Variants in SPRR2G observed in about 807,000 individuals in gnomAD.
SPRR2G encodes the protein small proline rich protein 2G.
SPRR2G carries 1 observed loss-of-function variant against 0.7 expected under a neutral mutation model. The ratio of observed to expected loss-of-function variants is 1.49; its 90% CI spans 0.53 to 7.06. SPRR2G has a LOEUF of 7.06. Among genes scored for constraint, SPRR2G ranks in the 30% most tolerant of loss-of-function variants. The pLI, the probability that SPRR2G is intolerant of heterozygous loss-of-function variation, is 0.14. For missense variants in SPRR2G, 96 were observed against 88.5 expected (o/e 1.09, Z -0.34); for synonymous variants, 38 against 33.9 (o/e 1.12, Z -0.42).
chr1:153,181,380 G>A, the SPRR2G span, among the ~76,000 whole-genome samples: 1,643 of 152,098 alleles, frequency 0.011, 27 homozygotes, highest in African/African-American at 0.038. Flanking sequence ...ATCCATCACC[G>A]TGAGCATTTA....
upstream of SPRR2G, among the ~76,000 whole-genome samples, chr1:153,154,611 T>C (rs369535333): frequency 4.6e-5 from 7 of 152,256 alleles, no homozygotes; most frequent in African/African-American, 1.7e-4. Context: ...ATTTATCAAT[T>C]TCTTCTAGGT....
chr1:153,157,460 A>G, the SPRR2G span, among the ~76,000 whole-genome samples: 2 of 152,190 alleles, frequency 1.3e-5, no homozygotes, highest in Admixed American at 6.5e-5. Flanking sequence ...GGGAGATTAT[A>G]ATACTCTTTT....
At chr1:153,196,876 C>T in the SPRR2G span, among the ~76,000 whole-genome samples, 1 of 152,172 alleles carries the variant, frequency 6.6e-6, no homozygotes, top group Admixed American at 6.5e-5. Flanking sequence ...CAGTTTATTG[C>T]CCTTGCTTGT....
chr1:153,202,305 C>T, the SPRR2G span, among the ~76,000 whole-genome samples: 1 of 152,202 alleles, frequency 6.6e-6, no homozygotes, highest in Admixed American at 6.5e-5. Flanking sequence ...CCAGCCCTCC[C>T]TTTTCCTTCC....
At chr1:153,170,650 T>C in the SPRR2G span, among the ~76,000 whole-genome samples, 1 of 152,042 alleles carries the variant, frequency 6.6e-6, no homozygotes, top group Non-Finnish European at 1.5e-5. Context: ...ATAAGAGAGG[T>C]ATTCCATGGC....
chr1:153,161,778 A>T, the SPRR2G span, among the ~76,000 whole-genome samples: 168 of 152,324 alleles, frequency 1.1e-3, no homozygotes, highest in African/African-American at 3.6e-3. Flanking sequence ...GATGGACAGA[A>T]ATTACAAAGA....
At chr1:153,190,552 G>A in the SPRR2G span, 26 of 152,152 alleles carry the variant, frequency 1.7e-4, no homozygotes, top group Non-Finnish European at 3.1e-4. Flanking sequence ...TATTTCCACC[G>A]GCTACCTTCT....
chr1:153,161,817 G>C, the SPRR2G span, among the ~76,000 whole-genome samples: 1 of 152,068 alleles, frequency 6.6e-6, no homozygotes, highest in South Asian at 2.1e-4. Flanking sequence ...TATAACCTCA[G>C]GTAATATGCA....
At chr1:153,189,091 C>T in the SPRR2G span, among the ~76,000 whole-genome samples, 1 of 152,186 alleles carries the variant, frequency 6.6e-6, no homozygotes, top group Admixed American at 6.5e-5. Context: ...AGAGCTGTTC[C>T]TATTCAGTCA....
chr1:153,152,150 A>T (rs914430199), upstream of SPRR2G, among the ~76,000 whole-genome samples: 4 of 152,228 alleles, frequency 2.6e-5, no homozygotes, highest in Non-Finnish European at 4.4e-5. Context: ...AGAAATATAA[A>T]CTCTAAAATG....
chr1:153,177,360 T>C, the SPRR2G span, among the ~76,000 whole-genome samples: 3 of 152,200 alleles, frequency 2.0e-5, no homozygotes, highest in Non-Finnish European at 4.4e-5. Flanking sequence ...TAAATGAATA[T>C]TTAGGGGCAG....
At chr1:153,186,406 G>C in the SPRR2G span, among the ~76,000 whole-genome samples, 2 of 152,092 alleles carry the variant, frequency 1.3e-5, no homozygotes, top group African/African-American at 2.4e-5. Context: ...TCCTGTATTG[G>C]GTGCATATAT....
chr1:153,161,158 A>G, the SPRR2G span, among the ~76,000 whole-genome samples: 1 of 152,004 alleles, frequency 6.6e-6, no homozygotes, highest in Non-Finnish European at 1.5e-5. Context: ...TGGGTGCCGC[A>G]CACCAACATG....
At chr1:153,166,511 C>CA in the SPRR2G span, among the ~76,000 whole-genome samples, 2 of 151,988 alleles carry the variant, frequency 1.3e-5, no homozygotes, top group African/African-American at 4.8e-5. Context: ...TCAGCAGCAA[C>CA]AAAAAAATTA....
At chr1:153,159,621 T>G in the SPRR2G span, among the ~76,000 whole-genome samples, 1 of 152,204 alleles carries the variant, frequency 6.6e-6, no homozygotes, top group Admixed American at 6.5e-5. Flanking sequence ...GTTCTCACAC[T>G]GCTATAAAGA....
chr1:153,174,729 G>C, the SPRR2G span: 2 of 152,208 alleles, frequency 1.3e-5, no homozygotes, highest in African/African-American at 4.8e-5. Context: ...AGTGTGCAAA[G>C]AGTACTGGAA....
At chr1:153,182,476 C>T in the SPRR2G span, among the ~76,000 whole-genome samples, 10 of 152,066 alleles carry the variant, frequency 6.6e-5, no homozygotes, top group Admixed American at 4.6e-4. Context: ...CACCCACCAA[C>T]CCATCATCTA....
the SPRR2G span, among the ~76,000 whole-genome samples, chr1:153,178,476 G>T: frequency 1.3e-5 from 2 of 152,118 alleles, no homozygotes; most frequent in African/African-American, 2.4e-5. Context: ...TCATCGCATA[G>T]AGAAAATTTC....
At chr1:153,184,266 A>G in the SPRR2G span, among the ~76,000 whole-genome samples, 1 of 152,198 alleles carries the variant, frequency 6.6e-6, no homozygotes, top group Non-Finnish European at 1.5e-5. Context: ...AAAATCAATG[A>G]TAGCTTGATG....
Sources: gnomAD v4.1 joint callset for allele counts (sites outside exome capture counted in the v4.1 genomes callset) on GRCh38, gnomAD v4.1.1 for gene constraint, MANE v1.5 for transcripts, NCBI Gene and HGNC (gene_info 2026-07-23, HGNC 2026-07-21) for gene names.